CTNND2: variants seen among roughly 807,000 people sequenced by gnomAD.
CTNND2 encodes catenin delta 2, also known as catenin delta-2.
In CTNND2, 22 loss-of-function variants were observed where a neutral mutation model predicts 144.4. The observed-to-expected ratio is 0.15, with a 90% CI of 0.11 to 0.22. CTNND2 has a LOEUF of 0.22. Among genes scored for constraint, CTNND2 ranks in the 10% least tolerant of loss-of-function variants. The probability of loss-of-function intolerance (pLI) is 1.00; values close to 1 mark genes in which losing one functional copy is unlikely to be tolerated. For synonymous variants in CTNND2, 751 were observed against 695.6 expected (o/e 1.08, Z -1.25); for missense variants, 1,353 against 1,618.8 (o/e 0.84, Z 2.82).
intron 3 of CTNND2, among the ~76,000 whole-genome samples, chr5:11,462,733 T>C (rs1220556846): frequency 6.6e-6 from 1 of 152,204 alleles, no homozygotes; most frequent in Admixed American, 6.5e-5. Context: ...TGTGCTGTTG[T>C]TGTTGTTTTT....
intron 2 of CTNND2, among the ~76,000 whole-genome samples, chr5:11,614,671 T>A (rs1460253521): frequency 6.6e-6 from 1 of 152,214 alleles, no homozygotes; most frequent in Non-Finnish European, 1.5e-5. Context: ...ATTGTGGGTA[T>A]AGTCACATGA....
chr5:11,599,048 A>G (rs1779656189), intron 2 of CTNND2, among the ~76,000 whole-genome samples: 1 of 152,160 alleles, frequency 6.6e-6, no homozygotes, highest in Admixed American at 6.5e-5. Flanking sequence ...TTAAACCATC[A>G]GATCTCATCA....
chr5:11,528,893 TG>T (rs1400011754), intron 3 of CTNND2, among the ~76,000 whole-genome samples: 6 of 152,210 alleles, frequency 3.9e-5, no homozygotes, highest in Admixed American at 6.5e-5. Context: ...GCTGCTGGGA[TG>T]GAGCAGAGCT....
chr5:11,773,655 C>G (rs1790073107), intron 1 of CTNND2, among the ~76,000 whole-genome samples: 1 of 151,906 alleles, frequency 6.6e-6, no homozygotes, highest in African/African-American at 2.4e-5. Context: ...ACCAAAAATA[C>G]AAAAATCAGC....
intron 1 of CTNND2, among the ~76,000 whole-genome samples, chr5:11,752,599 T>C (rs1391674865): frequency 6.6e-6 from 1 of 151,720 alleles, no homozygotes; most frequent in African/African-American, 2.4e-5. Context: ...AGGCTTATAG[T>C]ATAGTTTAAA....
intron 18 of CTNND2, among the ~76,000 whole-genome samples, chr5:11,000,942 T>A (rs938492301): frequency 1.3e-5 from 2 of 152,224 alleles, no homozygotes; most frequent in African/African-American, 4.8e-5. Context: ...AACCATTGGC[T>A]TGGGGTTTCT....
chr5:11,631,687 G>A (rs1441370788), intron 2 of CTNND2, among the ~76,000 whole-genome samples: 1 of 152,162 alleles, frequency 6.6e-6, no homozygotes. Flanking sequence ...ATATGATTGA[G>A]AGGTATAGGG....
At chr5:11,478,991 C>T (rs779782285) in intron 3 of CTNND2, among the ~76,000 whole-genome samples, 15 of 152,056 alleles carry the variant, frequency 9.9e-5, no homozygotes, top group Non-Finnish European at 1.6e-4. Flanking sequence ...GAGAGGAAAA[C>T]ATAATTTAAC....
intron 3 of CTNND2, among the ~76,000 whole-genome samples, chr5:11,485,345 C>CTGTGTGTGTGTGTGTGTGTGTGTGTG (rs375624492): frequency 2.0e-5 from 3 of 148,736 alleles, no homozygotes; most frequent in African/African-American, 7.5e-5. Flanking sequence ...GAGACAGAGA[C>CTGTGTGTGTGTGTGTGTGTGTGTGTG]TGTGTGTGTG....
intron 20 of CTNND2, 89 bp from the exon 21 acceptor site, chr5:10,981,935 C>A: frequency 8.8e-7 from 1 of 1,138,264 alleles, no homozygotes; most frequent in Non-Finnish European, 1.3e-6. Context: ...CTTGCCCTAA[C>A]AAAGCTTGTT....
intron 1 of CTNND2, among the ~76,000 whole-genome samples, chr5:11,841,667 C>T (rs561581131): frequency 6.6e-6 from 1 of 152,170 alleles, no homozygotes; most frequent in South Asian, 2.1e-4. Flanking sequence ...GACATTTCAG[C>T]AGGGGTGACA....
intron 3 of CTNND2, among the ~76,000 whole-genome samples, chr5:11,422,293 C>T (rs563002685): frequency 2.6e-5 from 4 of 152,186 alleles, no homozygotes; most frequent in South Asian, 4.2e-4. Flanking sequence ...GCTTTAAAAC[C>T]GTAAGTTTTT....
rs547403264 is a variant in CTNND2 at position 11,899,289 on chromosome 5, T to C, written c.37+4528A>G. Reference sequence around the variant, plus strand: ...ATGCTTATTAAACTGTCTATGATAGTCTTTGTACAACATTAATCTTTGTAG... The same window carrying C: ...ATGCTTATTAAACTGTCTATGATAGCCTTTGTACAACATTAATCTTTGTAG... On this transcript the variant is annotated intron_variant, in intron 1 of 21. Transcript: ENST00000304623. Among the ~76,000 whole-genome samples the C allele has an allele frequency of 2.0e-5, 3 of 152,322 alleles. No homozygotes were observed. The East Asian group carries it at 5.8e-4, about 29-fold the overall frequency.
At chr5:11,352,076 A>G (rs1284357519) in intron 8 of CTNND2, among the ~76,000 whole-genome samples, 1 of 152,242 alleles carries the variant, frequency 6.6e-6, no homozygotes, top group Non-Finnish European at 1.5e-5. Flanking sequence ...ATTCAATGGA[A>G]AAATACTCAA....
intron 10 of CTNND2, among the ~76,000 whole-genome samples, chr5:11,207,503 G>A (rs145895837): frequency 6.6e-6 from 1 of 152,180 alleles, no homozygotes; most frequent in Non-Finnish European, 1.5e-5. Context: ...GATGGACATT[G>A]TTTAAAATAT....
chr5:11,174,465 T>G (rs1174116099), intron 11 of CTNND2, among the ~76,000 whole-genome samples: 1 of 152,196 alleles, frequency 6.6e-6, no homozygotes, highest in Non-Finnish European at 1.5e-5. Context: ...TGGGATGGTT[T>G]GCTACTCTTG....
At chr5:11,408,536 C>A (rs1761265992) in intron 5 of CTNND2, among the ~76,000 whole-genome samples, 1 of 151,820 alleles carries the variant, frequency 6.6e-6, no homozygotes, top group Non-Finnish European at 1.5e-5. Flanking sequence ...TGTTTTGTTT[C>A]TTTTCCTTTC....
intron 11 of CTNND2, among the ~76,000 whole-genome samples, chr5:11,184,338 T>G (rs1735403229): frequency 6.6e-6 from 1 of 152,230 alleles, no homozygotes; most frequent in Non-Finnish European, 1.5e-5. Flanking sequence ...TGTTTATGTT[T>G]GCTTTTAATT....
intron 9 of CTNND2, among the ~76,000 whole-genome samples, chr5:11,300,826 G>A (rs954035471): frequency 6.6e-6 from 1 of 152,094 alleles, no homozygotes; most frequent in Non-Finnish European, 1.5e-5. Context: ...ATCCCCTCAA[G>A]GGTGCCGCCT....
Sources: gnomAD v4.1 joint callset for allele counts (sites outside exome capture counted in the v4.1 genomes callset) on GRCh38, gnomAD v4.1.1 for gene constraint, MANE v1.5 for transcripts, NCBI Gene and HGNC (gene_info 2026-07-23, HGNC 2026-07-21) for gene names.